Variants in BRINP3 observed in about 807,000 individuals in gnomAD.
The protein encoded by BRINP3 is BMP/retinoic acid-inducible neural-specific protein 3.
Under a neutral mutation model 71.0 loss-of-function variants are expected in BRINP3, and 19 were observed. That is an observed-to-expected ratio of 0.27 (90% CI 0.19 to 0.39). BRINP3 has a LOEUF of 0.39. BRINP3 is among the 10% of genes least tolerant of loss of function. The pLI, the probability that BRINP3 is intolerant of heterozygous loss-of-function variation, is 1.00. For missense variants in BRINP3, 959 were observed against 940.8 expected, an observed-to-expected ratio of 1.02 and a Z score of -0.25; for synonymous variants, 380 against 337.7, an observed-to-expected ratio of 1.13 and a Z score of -1.37.
intron 6 of BRINP3, among the ~76,000 whole-genome samples, chr1:190,192,733 A>G (rs1438547783): frequency 2.0e-5 from 3 of 152,104 alleles, no homozygotes; most frequent in Non-Finnish European, 4.4e-5. Context: ...TTAAACTGTG[A>G]CAACAGGATA....
At chr1:190,247,595 C>T (rs538287036) in intron 4 of BRINP3, among the ~76,000 whole-genome samples, 1 of 151,932 alleles carries the variant, frequency 6.6e-6, no homozygotes, top group African/African-American at 2.4e-5. Context: ...GCTGTAACTT[C>T]GTATCCCTTA....
intron 2 of BRINP3, among the ~76,000 whole-genome samples, chr1:190,385,535 C>T (rs1670835151): frequency 6.6e-6 from 1 of 151,730 alleles, no homozygotes; most frequent in Non-Finnish European, 1.5e-5. Context: ...AATGAGATAC[C>T]ATCTCACACC....
At chr1:190,259,152 C>T (rs566212248) in intron 4 of BRINP3, among the ~76,000 whole-genome samples, 1 of 151,472 alleles carries the variant, frequency 6.6e-6, no homozygotes, top group South Asian at 2.1e-4. Flanking sequence ...TTTTATGAGG[C>T]CAGTATTACC....
chr1:190,196,715 A>C (rs1056695062), intron 6 of BRINP3, among the ~76,000 whole-genome samples: 3 of 151,818 alleles, frequency 2.0e-5, no homozygotes, highest in Non-Finnish European at 4.4e-5. Context: ...AATTTTCATG[A>C]AAAATTACCC....
At chr1:190,106,407 T>C (rs1652168963) in intron 7 of BRINP3, among the ~76,000 whole-genome samples, 1 of 151,694 alleles carries the variant, frequency 6.6e-6, no homozygotes, top group African/African-American at 2.4e-5. Context: ...GCTCTTAAAA[T>C]CTCTGCATTA....
At chr1:190,226,918 C>T (rs1469423317) in intron 5 of BRINP3, among the ~76,000 whole-genome samples, 1 of 151,700 alleles carries the variant, frequency 6.6e-6, no homozygotes, top group Admixed American at 6.6e-5. Context: ...TTATTTTTTG[C>T]CATGTGTCAA....
At chr1:190,282,968 G>A (rs2102941341) in intron 2 of BRINP3, among the ~76,000 whole-genome samples, 1 of 152,082 alleles carries the variant, frequency 6.6e-6, no homozygotes, top group Admixed American at 6.6e-5. Context: ...TTGGTGCAAG[G>A]AGGCAGGAAA....
At chr1:190,174,238 C>T (rs1271494194) in intron 6 of BRINP3, among the ~76,000 whole-genome samples, 1 of 152,110 alleles carries the variant, frequency 6.6e-6, no homozygotes, top group Non-Finnish European at 1.5e-5. Flanking sequence ...GGGAACTTAG[C>T]TTCAAAGTGA....
chr1:190,107,535 C>A (rs945651225), intron 7 of BRINP3, among the ~76,000 whole-genome samples: 21 of 151,936 alleles, frequency 1.4e-4, no homozygotes, highest in African/African-American at 5.1e-4. Context: ...ATCTATATCA[C>A]TTATTTGTAA....
intron 4 of BRINP3, among the ~76,000 whole-genome samples, chr1:190,258,366 A>G (rs1660866019): frequency 6.6e-6 from 1 of 152,156 alleles, no homozygotes; most frequent in South Asian, 2.1e-4. Flanking sequence ...CCACCCAAAT[A>G]CTGCACTAGT....
At chr1:190,240,754 C>A (rs921057155) in intron 4 of BRINP3, among the ~76,000 whole-genome samples, 1 of 151,430 alleles carries the variant, frequency 6.6e-6, no homozygotes, top group Non-Finnish European at 1.5e-5. Context: ...TGCCTGTAAT[C>A]CCAGCTACTC....
chr1:190,402,458 T>C (rs2102363567), intron 2 of BRINP3, among the ~76,000 whole-genome samples: 1 of 152,274 alleles, frequency 6.6e-6, no homozygotes, highest in South Asian at 2.1e-4. Flanking sequence ...CCAATTTACT[T>C]ACAGAAATCA....
Position 190,121,233 on chromosome 1 carries a change from T to G in BRINP3, c.1185-22099A>C, listed in dbSNP as rs199872641. Among the ~76,000 whole-genome samples the G allele has an allele frequency of 1.8e-4, 27 of 152,296 alleles. No individual in the cohort carries two copies. In the East Asian group the frequency reaches 4.2e-3, roughly 24 times the overall value. On this transcript the variant is annotated intron_variant, in intron 7 of 7. Coordinates refer to ENST00000367462, the MANE Select transcript of BRINP3 (RefSeq NM_199051.3). Reference sequence around the variant, plus strand: ...CTGCCACTACTGTACTGTACTGTACTGTACTGGTACGGTATAACAAAATGT... The same window carrying G: ...CTGCCACTACTGTACTGTACTGTACGGTACTGGTACGGTATAACAAAATGT...
chr1:190,383,435 C>A (rs1487229028), intron 2 of BRINP3, among the ~76,000 whole-genome samples: 1 of 152,028 alleles, frequency 6.6e-6, no homozygotes, highest in African/African-American at 2.4e-5. Context: ...CTAGCAAGAA[C>A]TACTATCTAA....
At position 190,454,790 on chromosome 1, in the gene BRINP3, G is replaced by T. The variant is rs376755713; in HGVS notation, c.101C>A (p.Ala34Asp). Residue 34 changes from alanine to aspartate, a missense_variant, in exon 2 of 8, where the codon GCT becomes GAT. Physicochemically the swap from Ala to Asp is moderately radical, Grantham distance 126 (BLOSUM62 -2). Transcript: ENST00000367462. ...GCTTGTGGCATGCTGATCCGAAACA[G>T]CAGCAACCGCTAAAACCCAGCAATG... ...SLHCWVLAVAAVSDQHATSPF... is the reference protein window; with the variant it reads ...SLHCWVLAVADVSDQHATSPF... The T allele has an allele frequency of 5.5e-5, 89 of 1,614,024 alleles. No homozygotes were observed. Among genetic ancestry groups the T allele is most frequent in the Non-Finnish European group, 6.9e-5 (81 of 1,180,036 alleles).
chr1:190,410,638 A>G (rs1228860762), intron 2 of BRINP3, among the ~76,000 whole-genome samples: 1 of 152,122 alleles, frequency 6.6e-6, no homozygotes, highest in Non-Finnish European at 1.5e-5. Flanking sequence ...AACACATAGA[A>G]TAAGAAAAGA....
At chr1:190,418,548 C>A (rs866473187) in intron 2 of BRINP3, among the ~76,000 whole-genome samples, 24 of 152,212 alleles carry the variant, frequency 1.6e-4, no homozygotes, top group Non-Finnish European at 1.9e-4. Context: ...ATATTCTACT[C>A]TGATCATGAT....
intron 7 of BRINP3, among the ~76,000 whole-genome samples, chr1:190,121,019 A>G (rs1301514089): frequency 1.3e-5 from 2 of 152,182 alleles, no homozygotes; most frequent in Non-Finnish European, 1.5e-5. Flanking sequence ...AACAAGAAAG[A>G]TATCTTTTGG....
chr1:190,242,369 A>G (rs943273941), intron 4 of BRINP3, among the ~76,000 whole-genome samples: 1 of 152,082 alleles, frequency 6.6e-6, no homozygotes, highest in Non-Finnish European at 1.5e-5. Context: ...GTGACTTAAA[A>G]TATATTTAAC....
Sources: allele counts gnomAD v4.1 joint callset (sites outside exome capture counted in the v4.1 genomes callset), GRCh38; gene constraint gnomAD v4.1.1; transcripts MANE v1.5; gene names NCBI Gene and HGNC (gene_info 2026-07-23, HGNC 2026-07-21).